TMPRSS15: variants seen among roughly 807,000 people sequenced by gnomAD.
TMPRSS15 encodes the protein transmembrane serine protease 15.
Under a neutral mutation model 125.3 loss-of-function variants are expected in TMPRSS15, and 128 were observed. The observed-to-expected ratio is 1.02, with a 90% CI of 0.89 to 1.18. The LOEUF is 1.18. TMPRSS15 is among the 50% of genes most tolerant of loss of function. The probability of loss-of-function intolerance (pLI) is 0.00; values close to 1 mark genes in which losing one functional copy is unlikely to be tolerated. For missense variants in TMPRSS15, 1,283 were observed against 1,212.7 expected (o/e 1.06, Z -0.86); for synonymous variants, 446 against 423.2 (o/e 1.05, Z -0.66).
intron 1 of TMPRSS15, among the ~76,000 whole-genome samples, chr21:18,458,047 T>C (rs1384849538): frequency 1.3e-5 from 2 of 152,152 alleles, no homozygotes. Flanking sequence ...TTAGTGTAAG[T>C]GTGCTTGGTG....
intron 15 of TMPRSS15, among the ~76,000 whole-genome samples, chr21:18,327,328 T>C (rs1220231687): frequency 1.3e-5 from 2 of 152,218 alleles, no homozygotes; most frequent in African/African-American, 4.8e-5. Context: ...AAGTTTTTAT[T>C]TGAAGAATAA....
intron 6 of TMPRSS15, among the ~76,000 whole-genome samples, chr21:18,371,666 T>C (rs2075793251): frequency 6.6e-6 from 1 of 152,188 alleles, no homozygotes; most frequent in Admixed American, 6.5e-5. Context: ...ATCTTATTTC[T>C]ACTATTTATA....
intron 21 of TMPRSS15, among the ~76,000 whole-genome samples, chr21:18,286,379 A>C (rs1402177349): frequency 1.3e-5 from 2 of 152,192 alleles, no homozygotes; most frequent in African/African-American, 4.8e-5. Context: ...CTTCTTCCAT[A>C]CAGTCTAGAT....
chr21:18,315,359 A>T, intron 16 of TMPRSS15, 103 bp from the exon 17 acceptor site: 1 of 954,816 alleles, frequency 1.0e-6, no homozygotes, highest in South Asian at 1.4e-5. Flanking sequence ...GTCCTTTGCC[A>T]CAGCTCAAGG....
At chr21:18,458,364 TCA>T (rs1292692767) in intron 1 of TMPRSS15, among the ~76,000 whole-genome samples, 1 of 152,196 alleles carries the variant, frequency 6.6e-6, no homozygotes. Context: ...TAGACTATAT[TCA>T]GTCAGTTTAG....
chr21:18,387,110 T>G (rs1009744134), intron 3 of TMPRSS15, among the ~76,000 whole-genome samples: 6 of 152,120 alleles, frequency 3.9e-5, no homozygotes, highest in Admixed American at 3.9e-4. Flanking sequence ...AATGTTGAGA[T>G]GAGAGAGATA....
chr21:18,276,398 A>G (rs2074620503), intron 23 of TMPRSS15, among the ~76,000 whole-genome samples: 1 of 152,268 alleles, frequency 6.6e-6, no homozygotes, highest in Middle Eastern at 3.2e-3. Context: ...AGTAAACATT[A>G]CTAGATAACT....
intron 3 of TMPRSS15, among the ~76,000 whole-genome samples, chr21:18,389,101 G>GA (rs992911026): frequency 8.9e-6 from 1 of 112,178 alleles, no homozygotes; most frequent in African/African-American, 3.3e-5. Flanking sequence ...AAAGAAAGAA[G>GA]AAAAAAAGAG....
At chr21:18,444,846 C>T (rs2076251344) in intron 1 of TMPRSS15, among the ~76,000 whole-genome samples, 1 of 152,110 alleles carries the variant, frequency 6.6e-6, no homozygotes, top group South Asian at 2.1e-4. Flanking sequence ...CTCCCAGTCT[C>T]CCCCTTACCT....
intron 2 of TMPRSS15, 71 bp downstream of exon 2, chr21:18,398,128 T>G: frequency 1.3e-5 from 20 of 1,541,792 alleles, no homozygotes; most frequent in Non-Finnish European, 1.6e-5. Flanking sequence ...TGTTTCACAG[T>G]GAGAAAATGG....
intron 1 of TMPRSS15, among the ~76,000 whole-genome samples, chr21:18,433,641 G>A (rs2076221128): frequency 8.2e-6 from 1 of 121,402 alleles, no homozygotes; most frequent in Non-Finnish European, 1.6e-5. Flanking sequence ...TCCAGCCTGG[G>A]TGAGAAAGTA....
intron 14 of TMPRSS15, among the ~76,000 whole-genome samples, chr21:18,330,741 G>C (rs2075335989): frequency 6.6e-6 from 1 of 151,964 alleles, no homozygotes; most frequent in South Asian, 2.1e-4. Flanking sequence ...CTTCTTGTTG[G>C]ATTTTTCAGA....
rs1191110395 is a variant in TMPRSS15, at chr21:18,287,754, C to T, written c.2486+6516G>A. On this transcript the variant is annotated intron_variant, in intron 21 of 24. Transcript: ENST00000284885. ...ACACAAGGTTGGAAGTTGATATAAC[C>T]TCTAATAAAGACATAAATCTAAAAA... Among the ~76,000 whole-genome samples, 7 of 152,222 alleles carry T rather than the reference C, an allele frequency of 4.6e-5. No homozygotes were observed. The East Asian group carries it at 1.2e-3, about 25-fold the overall frequency.
chr21:18,464,172 C>CAAAA (rs1163284712), intron 1 of TMPRSS15, among the ~76,000 whole-genome samples: 2 of 37,178 alleles, frequency 5.4e-5, no homozygotes, highest in Non-Finnish European at 7.0e-5. Flanking sequence ...GACTCCGTCT[C>CAAAA]AAAAAAAAAA....
At chr21:18,473,243 T>G (rs1978814541) in intron 1 of TMPRSS15, among the ~76,000 whole-genome samples, 2 of 152,104 alleles carry the variant, frequency 1.3e-5, no homozygotes, top group African/African-American at 4.8e-5. Flanking sequence ...GGGAGGTCAT[T>G]GGCCAAAGGG....
At chr21:18,276,167 T>C (rs1201804477) in intron 23 of TMPRSS15, among the ~76,000 whole-genome samples, 2 of 152,170 alleles carry the variant, frequency 1.3e-5, no homozygotes. Flanking sequence ...ATTCATGCAC[T>C]AAAAAGATGA....
At chr21:18,345,979 G>C (rs1477420339) in intron 10 of TMPRSS15, among the ~76,000 whole-genome samples, 1 of 151,716 alleles carries the variant, frequency 6.6e-6, no homozygotes, top group Non-Finnish European at 1.5e-5. Flanking sequence ...ATGATGCTAT[G>C]ATTTCTTTTG....
chr21:18,323,960 A>C (rs2824742), intron 16 of TMPRSS15, among the ~76,000 whole-genome samples: 1 of 152,052 alleles, frequency 6.6e-6, no homozygotes, highest in East Asian at 1.9e-4. Flanking sequence ...GAGAAATATA[A>C]AGCTGATCTT....
rs756286397 is a variant in TMPRSS15 at position 18,343,551 on chromosome 21, A to G, written c.1383T>C (p.Asn461=). The G allele has an allele frequency of 1.2e-6, 2 of 1,613,356 alleles. No individual in the cohort carries two copies. Among genetic ancestry groups the G allele is most frequent in the East Asian group, 2.2e-5 (1 of 44,776 alleles). Residue 461 remains asparagine (N), a synonymous_variant, in exon 12 of 25, where the codon AAT becomes AAC. Transcript: ENST00000284885. ...VFQKEGNYGD[N]WNYGQVTLNE... ...TTAGGGTTACTTGTCCATAATTCCA[A>G]TTGTCTCCATAATTTCCTTCCTTTT...
Sources: gnomAD v4.1 joint callset for allele counts (sites outside exome capture counted in the v4.1 genomes callset) on GRCh38, gnomAD v4.1.1 for gene constraint, MANE v1.5 for transcripts, NCBI Gene and HGNC (gene_info 2026-07-23, HGNC 2026-07-21) for gene names.